Variants in ZNF490 observed in about 807,000 individuals in gnomAD.
The protein encoded by ZNF490 is zinc finger protein 490.
A neutral mutation model predicts 17.7 loss-of-function variants in ZNF490; 11 were observed. The observed-to-expected ratio is 0.62, with a 90% confidence interval of 0.39 to 1.03. ZNF490 has a LOEUF of 1.03. Among genes scored for constraint, ZNF490 ranks in the 50% least tolerant of loss-of-function variants. The pLI is 0.00. For synonymous variants in ZNF490, 222 were observed against 216.1 expected (o/e 1.03, Z -0.24); for missense variants, 542 against 643.4 (o/e 0.84, Z 1.71).
rs1279389822 is a variant in ZNF490 at position 12,580,641 on chromosome 19, C to G, written c.1434G>C (p.Gln478His). The G allele has an allele frequency of 3.7e-6, 6 of 1,614,098 alleles. No homozygotes were observed. The highest frequency in any genetic ancestry group is 4.2e-6 in the Non-Finnish European group (5 of 1,180,046). ...HTGVKPCECK[Q>H]CGKAFTCLNS... ...TTAAACAAGTGAAAGCTTTGCCACACTGCTTACACTCACATGGTTTCACTC... is the reference window on the plus strand; with the variant it reads ...TTAAACAAGTGAAAGCTTTGCCACAGTGCTTACACTCACATGGTTTCACTC... Residue 478 changes from glutamine to histidine, a missense_variant, in exon 5 of 5, where the codon CAG becomes CAC. Coordinates refer to ENST00000311437, the MANE Select transcript of ZNF490 (RefSeq NM_020714.3).
chr19:12,593,436 G>A (rs1027959221), intron 2 of ZNF490, among the ~76,000 whole-genome samples: 1 of 151,972 alleles, frequency 6.6e-6, no homozygotes, highest in Non-Finnish European at 1.5e-5. Context: ...TTTTAGTAGA[G>A]ACGGGGTTTC....
At chr19:12,605,421 C>T (rs113150479) in intron 2 of ZNF490, among the ~76,000 whole-genome samples, 120 of 151,388 alleles carry the variant, frequency 7.9e-4, no homozygotes, top group African/African-American at 2.8e-3. Context: ...TTGAAGGCTG[C>T]AATGAGCTAT....
intron 2 of ZNF490, among the ~76,000 whole-genome samples, chr19:12,595,555 T>C (rs2022922386): frequency 6.6e-6 from 1 of 152,162 alleles, no homozygotes; most frequent in African/African-American, 2.4e-5. Context: ...CTTGATATGC[T>C]TCCGGTTATC....
chr19:12,597,037 C>A (rs1599310504), intron 2 of ZNF490: 1 of 445,218 alleles, frequency 2.2e-6, no homozygotes, highest in Non-Finnish European at 4.6e-6. Context: ...CCCAGCCCCA[C>A]GCTGCTGGGA....
intron 2 of ZNF490, chr19:12,597,415 C>T (rs1457262301): frequency 3.6e-6 from 1 of 277,286 alleles, no homozygotes; most frequent in African/African-American, 2.2e-5. Flanking sequence ...GTGGTTGAGC[C>T]GAGCTAGCTT....
chr19:12,609,268 C>G, intron 1 of ZNF490, 66 bp from the exon 2 acceptor site: 1 of 1,430,694 alleles, frequency 7.0e-7, no homozygotes. Context: ...TGACCTTTGA[C>G]AGCCTTGGAA....
chr19:12,577,957 A>G lies in ZNF490; in HGVS notation c.*2528T>C. ...GCAATTCAGAAAACGGAGAATTCGG[A>G]GGCTCCAGCAAGCAGTTTATTGGGA... On this transcript the variant is annotated 3_prime_UTR_variant, in exon 5 of 5. Transcript: ENST00000311437. The G allele has an allele frequency of 1.0e-6, 1 of 985,450 alleles. No homozygotes were observed. Among genetic ancestry groups the G allele is most frequent in the Non-Finnish European group, 1.2e-6 (1 of 829,938 alleles). The allele number at this position is 985,450 out of a possible 1,614,324, so 61.0% of individuals were successfully genotyped here.
intron 2 of ZNF490, 40 bp from the exon 3 acceptor site, chr19:12,583,596 A>G: frequency 6.5e-7 from 1 of 1,532,162 alleles, no homozygotes; most frequent in Non-Finnish European, 8.8e-7. Flanking sequence ...GAGGAGAGAG[A>G]TTCGCAGTAG....
chr19:12,588,807 G>A (rs918183388), intron 2 of ZNF490, among the ~76,000 whole-genome samples: 1 of 152,116 alleles, frequency 6.6e-6, no homozygotes, highest in Non-Finnish European at 1.5e-5. Flanking sequence ...AAGATAGCTT[G>A]AAAACCCACA....
At chr19:12,609,305 A>G in intron 1 of ZNF490, 103 bp from the exon 2 acceptor site, 1 of 931,454 alleles carries the variant, frequency 1.1e-6, no homozygotes, top group Non-Finnish European at 1.7e-6. Context: ...ATCTACCTGT[A>G]CACACAGAGC....
rs768008312 is a variant in ZNF490, at chr19:12,581,326, T to C, written c.749A>G (p.Tyr250Cys). The C allele has an allele frequency of 1.2e-6, 2 of 1,614,162 alleles. No individual in the cohort carries two copies. The highest frequency in any genetic ancestry group is 1.7e-5 in the Admixed American group (1 of 60,012). ...HIRIHTGETP[Y>C]ECKECGKAFR... ...TGCCTTCCCACATTCCTTACATTCATAGGGTGTCTCTCCAGTATGAATTCT... is the reference window on the plus strand; with the variant it reads ...TGCCTTCCCACATTCCTTACATTCACAGGGTGTCTCTCCAGTATGAATTCT... The change falls in exon 5 of 5, where the codon TAT becomes TGT. Residue 250 changes from tyrosine (Y) to cysteine (C), a missense_variant. Physicochemically the swap from Tyr to Cys is radical, Grantham distance 194. Transcript: ENST00000311437.
At chr19:12,581,850 G>T in intron 4 of ZNF490, 126 bp from the exon 5 acceptor site, 1 of 879,892 alleles carries the variant, frequency 1.1e-6, no homozygotes, top group Non-Finnish European at 1.7e-6. Flanking sequence ...TGTCTAAATT[G>T]TTTTGAAAGC....
chr19:12,583,785 CTCTCTCTATATA>C (rs1200572598), intron 2 of ZNF490, among the ~76,000 whole-genome samples: 1 of 88,100 alleles, frequency 1.1e-5, no homozygotes, highest in Non-Finnish European at 2.1e-5. Context: ...CTCTCTCTCT[CTCTCTCTATATA>C]TATATATATA....
intron 2 of ZNF490, among the ~76,000 whole-genome samples, chr19:12,599,873 C>T (rs1020272313): frequency 1.3e-5 from 2 of 151,862 alleles, no homozygotes; most frequent in African/African-American, 4.8e-5. Flanking sequence ...AACATATTGG[C>T]TAAAGTTAAA....
chr19:12,607,626 G>A (rs1430277591), intron 2 of ZNF490, among the ~76,000 whole-genome samples: 1 of 151,918 alleles, frequency 6.6e-6, no homozygotes, highest in African/African-American at 2.4e-5. Context: ...CTCAGGCCAG[G>A]CATAGTGACT....
chr19:12,596,250 GAA>G (rs1394778280), intron 2 of ZNF490, among the ~76,000 whole-genome samples: 2 of 86,664 alleles, frequency 2.3e-5, no homozygotes, highest in African/African-American at 9.2e-5. Context: ...GGGCGACAGA[GAA>G]AGACTCCGTC....
intron 2 of ZNF490, among the ~76,000 whole-genome samples, chr19:12,591,111 G>A (rs1356490547): frequency 2.6e-5 from 4 of 151,984 alleles, no homozygotes; most frequent in South Asian, 2.1e-4. Flanking sequence ...CTCTGGGGCC[G>A]GGCACGGTGG....
At chr19:12,592,399 A>T (rs866911117) in intron 2 of ZNF490, among the ~76,000 whole-genome samples, 4 of 143,230 alleles carry the variant, frequency 2.8e-5, no homozygotes, top group Middle Eastern at 3.6e-3. Context: ...ATCTCAATTT[A>T]AAAAAAAAAA....
In ZNF490 at chr19:12,581,272, T is replaced by C. The variant is rs745765536; in HGVS notation, c.803A>G (p.His268Arg). The change falls in exon 5 of 5, where the codon CAT (histidine) becomes CGT (arginine). Residue 268 changes from histidine to arginine, a missense_variant. Physicochemically the swap from His to Arg is conservative, Grantham distance 29. Coordinates refer to ENST00000311437, the MANE Select transcript of ZNF490 (RefSeq NM_020714.3). ...AFRYLTALRR[H>R]EKNHTGEKPY... ...TTTCTCTCCAGTGTGATTTTTTTCA[T>C]GGCGCCGAAGAGCAGTGAGATATCT... 27 of 1,614,076 alleles carry C rather than the reference T, an allele frequency of 1.7e-5. No homozygotes were observed.
Sources: gnomAD v4.1 joint callset for allele counts (sites outside exome capture counted in the v4.1 genomes callset) on GRCh38, gnomAD v4.1.1 for gene constraint, MANE v1.5 for transcripts, NCBI Gene and HGNC (gene_info 2026-07-23, HGNC 2026-07-21) for gene names.